The following TTN variants were observed in gnomAD, a reference collection of about 807,000 sequenced individuals.
TTN encodes connectin.
In TTN, 1,525 loss-of-function variants were observed where a neutral mutation model predicts 3,223.0. That is an observed-to-expected ratio of 0.47 (90% CI 0.45 to 0.49). TTN has a LOEUF of 0.49. Ranked by LOEUF, TTN falls within the 20% of genes least tolerant of loss-of-function variation. The probability of loss-of-function intolerance (pLI) is 0.00; values close to 1 mark genes in which losing one functional copy is unlikely to be tolerated. For synonymous variants in TTN, 14,094 were observed against 15,161.0 expected, an observed-to-expected ratio of 0.93 and a Z score of 5.17; for missense variants, 40,786 against 43,424.0, an observed-to-expected ratio of 0.94 and a Z score of 5.40.
chr2:178,767,991 T>G (rs544787121), intron 39 of TTN, 23 bp downstream of exon 39: 1 of 1,614,120 alleles, frequency 6.2e-7, no homozygotes, highest in East Asian at 2.2e-5. Context: ...ATTACTGGAA[T>G]GTAGCAAGAC....
intron 243 of TTN, 83 bp downstream of exon 243, chr2:178,622,587 C>CTTTTTTTTT: frequency 1.9e-6 from 2 of 1,074,606 alleles, no homozygotes; most frequent in Non-Finnish European, 1.3e-6. Flanking sequence ...TTGTGACTAA[C>CTTTTTTTTT]TTTTTTTTTT....
Position 178,531,011 on chromosome 2 carries a change from C to T in TTN, c.105604G>A (p.Val35202Met). The T allele has an allele frequency of 6.2e-7, 1 of 1,613,932 alleles. No individual in the cohort carries two copies. Among genetic ancestry groups the T allele is most frequent in the Non-Finnish European group, 8.5e-7 (1 of 1,179,886 alleles). Reference sequence around the variant, plus strand: ...TGTTTCCCTTCACTGTTTTCTACCACCACGCTGTAATTGCCCTCATCGGAA... The same window carrying T: ...TGTTTCCCTTCACTGTTTTCTACCATCACGCTGTAATTGCCCTCATCGGAA... ...QASDEGNYSV[V>M]VENSEGKQEA... Residue 35202 changes from valine to methionine, a missense_variant, in exon 358 of 363, where the codon GTG becomes ATG. By Grantham distance (21) the Val-to-Met change is conservative. Transcript: ENST00000589042.
rs145996491 is a variant in TTN at position 178,748,608 on chromosome 2, G to A, written c.11311+4516C>T. 103 of 1,613,024 alleles carry A rather than the reference G, an allele frequency of 6.4e-5. No homozygotes were observed. In the African/African-American group the frequency reaches 1.3e-3, roughly 20 times the overall value. ...TGGATTTTAAAATAAGCTTCTTCTG[G>A]TTGACCACTATCTAATTCTTGGAAT... On this transcript the variant is annotated intron_variant, in intron 47 of 362. Coordinates refer to ENST00000589042, the MANE Select transcript of TTN (RefSeq NM_001267550.2).
chr2:178,675,165 A>G, intron 149 of TTN, 52 bp from the exon 150 acceptor site: 1 of 1,241,430 alleles, frequency 8.1e-7, no homozygotes, highest in South Asian at 1.5e-5. Context: ...ACCAAAGAAG[A>G]ATAAAGACCA....
Position 178,547,390 on chromosome 2 carries a change from ATTT to A in TTN, c.94219+14_94219+16del. 1 of 1,584,964 alleles carries A rather than the reference ATTT, an allele frequency of 6.3e-7. No homozygotes were observed. ...TTAATAATAGAGACTTTGAAATAGGATTTTTATTTTTCTTACCAAATGGATGTT... is the reference window on the plus strand; with the variant it reads ...TTAATAATAGAGACTTTGAAATAGGATTATTTTTCTTACCAAATGGATGTT... On this transcript the variant is annotated intron_variant, in intron 339 of 362. Coordinates refer to ENST00000589042, the MANE Select transcript of TTN (RefSeq NM_001267550.2).
rs747738228 is a variant in TTN at position 178,568,476 on chromosome 2, C to G, written c.77656G>C (p.Val25886Leu). Reference protein sequence around the residue: ...VGQKTASIEIVTLDKPDPPKG... With the variant: ...VGQKTASIEILTLDKPDPPKG... ...GGAGGATCAGGTTTATCTAGAGTTA[C>G]AATTTCGATGGATGCTGTCTTCTGA... The change falls in exon 326 of 363, where the codon GTA (valine) becomes CTA (leucine). Residue 25886 changes from valine to leucine, a missense_variant. Val to Leu is a conservative substitution (Grantham distance 32, BLOSUM62 1). Coordinates refer to ENST00000589042, the MANE Select transcript of TTN (RefSeq NM_001267550.2). The G allele has an allele frequency of 1.2e-6, 2 of 1,613,366 alleles. No individual in the cohort carries two copies. Among genetic ancestry groups the G allele is most frequent in the Admixed American group, 1.7e-5 (1 of 59,964 alleles).
Position 178,609,566 on chromosome 2 carries a change from G to A in TTN, c.51744C>T (p.Ala17248=). 1 of 1,598,654 alleles carries A rather than the reference G, an allele frequency of 6.3e-7. No homozygotes were observed. The highest frequency in any genetic ancestry group is 1.1e-5 in the South Asian group (1 of 88,444). The part of the protein sequence containing the change: ...PPTKAVDPID[A]PKVILRTSLE... ...GGCTTGTTCTCAGAATGACTTTGGG[G>A]GCATCTATAGTGATCATAACCAATA... The change falls in exon 273 of 363, where the codon GCC becomes GCT. Residue 17248 remains alanine (A), a synonymous_variant. Coordinates refer to ENST00000589042, the MANE Select transcript of TTN (RefSeq NM_001267550.2).
chr2:178,652,107 G>T lies in TTN; in HGVS notation c.39284C>A (p.Pro13095His), dbSNP rs770419196. The change falls in exon 204 of 363, where the codon CCT becomes CAT. Residue 13095 changes from proline to histidine, a missense_variant. Transcript: ENST00000589042. ...PEAIPPKPES[P>H]PPEVFEEPEE... ...AGTTTCATTATTACCTTCAGGGGGA[G>T]GACTTTCCGGTTTGGGAGGAATAGC... 19 of 1,612,934 alleles carry T rather than the reference G, an allele frequency of 1.2e-5. No individual in the cohort carries two copies. The highest frequency in any genetic ancestry group is 1.6e-5 in the Non-Finnish European group (19 of 1,179,692).
Position 178,559,794 on chromosome 2 carries a change from C to T in TTN, c.86338G>A (p.Gly28780Arg). The change falls in exon 326 of 363, where the codon GGA (glycine) becomes AGA (arginine). Residue 28780 changes from glycine (G) to arginine (R), a missense_variant. Physicochemically the swap from Gly to Arg is moderately radical, Grantham distance 125 (BLOSUM62 -2). Coordinates refer to ENST00000589042, the MANE Select transcript of TTN (RefSeq NM_001267550.2). ...ASFTMTVPFR[G>R]RPVPNVLWSK... is the part of the protein sequence containing the mutation. ...CACAAGACATTGGGTACTGGTCTTC[C>T]TCGGAAAGGCACAGTCATGGTAAAT... 3 of 1,607,792 alleles carry T rather than the reference C, an allele frequency of 1.9e-6. No individual in the cohort carries two copies. The highest frequency in any genetic ancestry group is 2.7e-5 in the African/African-American group (2 of 74,926).
At chr2:178,691,319 C>T (rs764492026) in intron 121 of TTN, among the ~76,000 whole-genome samples, 4 of 152,198 alleles carry the variant, frequency 2.6e-5, no homozygotes, top group Non-Finnish European at 2.9e-5. Flanking sequence ...TGCCTTTTAT[C>T]GCCAAAAAAA....
Position 178,733,665 on chromosome 2 carries a change from C to T in TTN, c.15724G>A (p.Ala5242Thr), listed in dbSNP as rs763604864. 6.2e-7 allele frequency: 1 copy of T among 1,613,020 alleles called. No homozygotes were observed. The highest frequency in any genetic ancestry group is 1.1e-5 in the South Asian group (1 of 91,042). The part of the protein sequence containing the change: ...ISFGGKYTCL[A>T]ENEAGSQTSV... ...GTTTGGCTTCCAGCTTCATTTTCAG[C>T]CAGGCACGTGTATTTGCCTCCAAAA... Residue 5242 changes from alanine to threonine, a missense_variant, in exon 53 of 363, where the codon GCT (alanine) becomes ACT (threonine). Transcript: ENST00000589042.
At chr2:178,700,081 G>A (rs1485354473) in intron 111 of TTN, among the ~76,000 whole-genome samples, 1 of 152,134 alleles carries the variant, frequency 6.6e-6, no homozygotes, top group East Asian at 1.9e-4. Flanking sequence ...ACTTAGCCAT[G>A]TTGATACTAC....
Position 178,776,243 on chromosome 2 carries a change from C to G in TTN, c.5621G>C (p.Trp1874Ser). The stretch of plus-strand genomic sequence containing the variant: ...GCGGATGAGCTGTCCATTGAGGTAC[C>G]AGTTGACTTTGGGCTGAGGGTAGCC... ...VTGYPQPKVN[W>S]YLNGQLIRKS... The change falls in exon 28 of 363, where the codon TGG becomes TCG. Residue 1874 changes from tryptophan to serine, a missense_variant. Physicochemically the swap from Trp to Ser is radical, Grantham distance 177. Transcript: ENST00000589042. 2 of 1,614,146 alleles carry G rather than the reference C, an allele frequency of 1.2e-6. No homozygotes were observed. Among genetic ancestry groups the G allele is most frequent in the South Asian group, 2.2e-5 (2 of 91,082 alleles).
In TTN at chr2:178,785,606, C is replaced by T. The variant is rs1393094931; in HGVS notation, c.2493+14G>A. The T allele has an allele frequency of 1.2e-6, 2 of 1,613,932 alleles. No individual in the cohort carries two copies. The highest frequency in any genetic ancestry group is 2.2e-5 in the South Asian group (2 of 91,066). ...CCTTTAAACATTTCTGTATCATGCT[C>T]TGTAACTTCTTACCTCATATCCATG... On this transcript the variant is annotated intron_variant, in intron 15 of 362. Transcript: ENST00000589042.
At position 178,537,059 on chromosome 2, in the gene TTN, G is replaced by C. The variant is rs760990381; in HGVS notation, c.100050C>G (p.Thr33350=). 6.2e-7 allele frequency: 1 copy of C among 1,613,124 alleles called. No individual in the cohort carries two copies. Among genetic ancestry groups the C allele is most frequent in the South Asian group, 1.1e-5 (1 of 90,958 alleles). ...TTTCTGTGAGGTTCACAATTCTACA[G>C]GTTGTCACTGAGATGGCTGAAGACA... The part of the protein sequence containing the change: ...QLVSSAISVT[T]CRIVNLTENA... Residue 33350 remains threonine (T), a synonymous_variant, in exon 356 of 363, where the codon ACC becomes ACG. Transcript: ENST00000589042.
chr2:178,554,692 G>C lies in TTN; in HGVS notation c.88655C>G (p.Thr29552Ser), dbSNP rs756935787. The C allele has an allele frequency of 4.3e-6, 7 of 1,613,918 alleles. No homozygotes were observed. The highest frequency in any genetic ancestry group is 3.4e-6 in the Non-Finnish European group (4 of 1,179,846). ...ATCAGCTGGAGGCCGCCAGAGAAGG[G>C]TGATCTTCTCAGCAGTTACAGTCTT... Reference protein sequence around the residue: ...EFKTVTAEKITLLWRPPADDG... With the variant: ...EFKTVTAEKISLLWRPPADDG... Residue 29552 changes from threonine (T) to serine (S), a missense_variant, in exon 332 of 363, where the codon ACC (threonine) becomes AGC (serine). Physicochemically the swap from Thr to Ser is moderately conservative, Grantham distance 58. Coordinates refer to ENST00000589042, the MANE Select transcript of TTN (RefSeq NM_001267550.2).
chr2:178,566,843 C>G lies in TTN; in HGVS notation c.79289G>C (p.Gly26430Ala). Residue 26430 changes from glycine to alanine, a missense_variant, in exon 326 of 363, where the codon GGC (glycine) becomes GCC (alanine). Gly to Ala is a moderately conservative substitution (Grantham distance 60, BLOSUM62 0). Transcript: ENST00000589042. ...GYIVEKRDRS[G>A]IRWIKCNKRR... ...TTTATTACATTTTATCCATCGAATG[C>G]CACTTCTGTCTCTTTTCTCTACAAT... 1 of 1,613,446 alleles carries G rather than the reference C, an allele frequency of 6.2e-7. No homozygotes were observed. The highest frequency in any genetic ancestry group is 8.5e-7 in the Non-Finnish European group (1 of 1,179,662).
chr2:178,746,988 C>G, intron 47 of TTN: 1 of 1,613,448 alleles, frequency 6.2e-7, no homozygotes, highest in Non-Finnish European at 8.5e-7. Flanking sequence ...TCTTCCCTTT[C>G]TATTTTTGAT....
Position 178,617,842 on chromosome 2 carries a change from T to A in TTN, c.47509A>T (p.Asn15837Tyr), listed in dbSNP as rs765708429. The A allele has an allele frequency of 6.2e-7, 1 of 1,612,598 alleles. No individual in the cohort carries two copies. The highest frequency in any genetic ancestry group is 2.2e-5 in the East Asian group (1 of 44,708). The change falls in exon 253 of 363, where the codon AAT (asparagine) becomes TAT (tyrosine). Residue 15837 changes from asparagine (N) to tyrosine (Y), a missense_variant. Transcript: ENST00000589042. ...CTTGGTTTTCCAACTCCAATTCGAT[T>A]TTGGGCTCTCACTCGGAAACTGTAC... The part of the protein sequence containing the change: ...QEYSFRVRAQ[N>Y]RIGVGKPSAA...
Sources: allele counts gnomAD v4.1 joint callset (sites outside exome capture counted in the v4.1 genomes callset), GRCh38; gene constraint gnomAD v4.1.1; transcripts MANE v1.5; gene names NCBI Gene and HGNC (gene_info 2026-07-23, HGNC 2026-07-21).